COMMD10: variants seen among roughly 807,000 people sequenced by gnomAD.
The protein encoded by COMMD10 is COMM domain containing 10.
A neutral mutation model predicts 28.9 loss-of-function variants in COMMD10; 33 were observed. The observed-to-expected ratio is 1.14, with a 90% confidence interval of 0.87 to 1.53. The LOEUF (loss-of-function observed/expected upper bound fraction) is 1.53, where lower values mean the gene tolerates loss of function less well. COMMD10 is among the 40% of genes most tolerant of loss of function. The probability of loss-of-function intolerance (pLI) is 0.00; values close to 1 mark genes in which losing one functional copy is unlikely to be tolerated. For synonymous variants in COMMD10, 110 were observed against 81.7 expected (o/e 1.35, Z -1.87); for missense variants, 310 against 233.4 (o/e 1.33, Z -2.14).
chr5:116,160,571 G>C (rs1053213726), intron 5 of COMMD10, among the ~76,000 whole-genome samples: 5 of 151,688 alleles, frequency 3.3e-5, no homozygotes, highest in African/African-American at 4.9e-5. Context: ...GATTGCATCA[G>C]ATCTAAAGAT....
rs185671682 is a variant in COMMD10, at chr5:116,125,476, C to G, written c.400-8592C>G. On this transcript the variant is annotated intron_variant, in intron 4 of 6. Coordinates refer to ENST00000274458, the MANE Select transcript of COMMD10 (RefSeq NM_016144.4). The stretch of plus-strand genomic sequence containing the variant: ...AACCCGACCTTTGTCTCTGGCTGCC[C>G]TTAACATTTTTTCCTTTGTTTCAAC... Among the ~76,000 whole-genome samples, 762 of 152,196 alleles carry G rather than the reference C, an allele frequency of 5.0e-3. 6 individuals carry two copies. The highest frequency in any genetic ancestry group is 0.018 in the African/African-American group (733 of 41,540).
intron 5 of COMMD10, chr5:116,218,071 G>C: frequency 8.1e-7 from 1 of 1,229,120 alleles, no homozygotes; most frequent in Non-Finnish European, 1.2e-6. Flanking sequence ...GATCTGTTTT[G>C]ACATCTCCAT....
intron 5 of COMMD10, among the ~76,000 whole-genome samples, chr5:116,142,248 A>G (rs934002450): frequency 2.0e-5 from 3 of 151,812 alleles, no homozygotes; most frequent in Non-Finnish European, 4.4e-5. Context: ...ATATATTCTA[A>G]ATGACTGCAT....
chr5:116,091,327 T>A (rs968750094), intron 3 of COMMD10, 138 bp downstream of exon 3: 6 of 473,030 alleles, frequency 1.3e-5, no homozygotes, highest in Non-Finnish European at 2.3e-5. Flanking sequence ...AGTTAAGAAT[T>A]TCAGTGTAAA....
intron 5 of COMMD10, among the ~76,000 whole-genome samples, chr5:116,229,362 G>C (rs1212285428): frequency 6.6e-6 from 1 of 151,926 alleles, no homozygotes; most frequent in Non-Finnish European, 1.5e-5. Context: ...ATCCTAGCAG[G>C]ATCAACATTG....
In COMMD10 at chr5:116,112,558, G is replaced by T. The variant is rs539491104; in HGVS notation, c.399+19858G>T. On this transcript the variant is annotated intron_variant, in intron 4 of 6. Transcript: ENST00000274458. Reference sequence around the variant, plus strand: ...ACTGTATATAGGTGCGCGCCACCATGCACAGCTAATTTTTGTACTTTAAGT... The same window carrying T: ...ACTGTATATAGGTGCGCGCCACCATTCACAGCTAATTTTTGTACTTTAAGT... Among the ~76,000 whole-genome samples, 14 of 152,156 alleles carry T rather than the reference G, an allele frequency of 9.2e-5. No individual in the cohort carries two copies. The East Asian group carries it at 1.5e-3, about 17-fold the overall frequency.
chr5:116,099,649 C>T (rs1372791773), intron 4 of COMMD10, among the ~76,000 whole-genome samples: 3 of 152,068 alleles, frequency 2.0e-5, no homozygotes, highest in Non-Finnish European at 2.9e-5. Context: ...AACGATGTAA[C>T]GTCATGTTGT....
rs571232613 is a variant in COMMD10, at chr5:116,274,064, AC to A, written c.511-17451del. Among the ~76,000 whole-genome samples the A allele has an allele frequency of 4.2e-3, 639 of 151,830 alleles. 4 individuals are homozygous for A. The highest frequency in any genetic ancestry group is 5.6e-3 in the Non-Finnish European group (383 of 67,992). On this transcript the variant is annotated intron_variant, in intron 5 of 6. Coordinates refer to ENST00000274458, the MANE Select transcript of COMMD10 (RefSeq NM_016144.4). ...TGATCTAACAGCCTCTGCAACTGTC[AC>A]CAACCTTTCCTATAAAACAGCAATA...
intron 5 of COMMD10, among the ~76,000 whole-genome samples, chr5:116,178,825 G>A (rs969141751): frequency 6.6e-6 from 1 of 152,084 alleles, no homozygotes; most frequent in African/African-American, 2.4e-5. Flanking sequence ...TGTAGTTGAT[G>A]CAGATGGCCA....
At chr5:116,132,153 A>G (rs1751882203) in intron 4 of COMMD10, among the ~76,000 whole-genome samples, 1 of 152,086 alleles carries the variant, frequency 6.6e-6, no homozygotes, top group Non-Finnish European at 1.5e-5. Flanking sequence ...GAAATGAGTC[A>G]TGAATTTTGG....
intron 4 of COMMD10, among the ~76,000 whole-genome samples, chr5:116,111,594 T>C (rs886538683): frequency 6.6e-6 from 1 of 152,190 alleles, no homozygotes; most frequent in East Asian, 1.9e-4. Context: ...TTTCTTGATA[T>C]TGATTTCTTG....
intron 2 of COMMD10, among the ~76,000 whole-genome samples, chr5:116,090,445 C>T (rs566035331): frequency 2.6e-5 from 4 of 152,154 alleles, no homozygotes; most frequent in Non-Finnish European, 4.4e-5. Context: ...TAGAAATAAA[C>T]ATTTGTGGCC....
intron 5 of COMMD10, among the ~76,000 whole-genome samples, chr5:116,169,813 A>G (rs1381726308): frequency 1.9e-4 from 29 of 152,198 alleles, no homozygotes; most frequent in Admixed American, 1.9e-3. Context: ...AACACTCAAT[A>G]AACTAGGTAC....
At chr5:116,213,432 C>G (rs927800207) in intron 5 of COMMD10, among the ~76,000 whole-genome samples, 20 of 152,064 alleles carry the variant, frequency 1.3e-4, no homozygotes, top group African/African-American at 4.6e-4. Context: ...AAAATAATCA[C>G]TGAATATTAA....
intron 1 of COMMD10, 114 bp downstream of exon 1, chr5:116,085,207 TG>T: frequency 7.4e-6 from 1 of 134,352 alleles, no homozygotes; most frequent in South Asian, 4.9e-5. Flanking sequence ...CCCGGTTGAG[TG>T]GGGTGGGGTG....
chr5:116,245,908 C>T (rs1045837177), intron 5 of COMMD10, among the ~76,000 whole-genome samples: 29 of 152,032 alleles, frequency 1.9e-4, no homozygotes, highest in Non-Finnish European at 2.9e-4. Context: ...GGAAGCATTC[C>T]CCTTAAAAAT....
chr5:116,263,510 T>A (rs1328662680), intron 5 of COMMD10, among the ~76,000 whole-genome samples: 1 of 151,730 alleles, frequency 6.6e-6, no homozygotes, highest in African/African-American at 2.4e-5. Context: ...TTCCTTTCTT[T>A]CCAGATCCAG....
At chr5:116,127,253 G>C (rs562450165) in intron 4 of COMMD10, among the ~76,000 whole-genome samples, 1 of 152,118 alleles carries the variant, frequency 6.6e-6, no homozygotes, top group Non-Finnish European at 1.5e-5. Flanking sequence ...TTAGAATGGC[G>C]ATCATTAAAA....
At chr5:116,182,257 T>C (rs927754028) in intron 5 of COMMD10, among the ~76,000 whole-genome samples, 11 of 152,014 alleles carry the variant, frequency 7.2e-5, no homozygotes, top group Non-Finnish European at 1.6e-4. Flanking sequence ...CTGATAGTAG[T>C]TTAGCTCTAG....
Sources: gnomAD v4.1 joint callset for allele counts (sites outside exome capture counted in the v4.1 genomes callset) on GRCh38, gnomAD v4.1.1 for gene constraint, MANE v1.5 for transcripts, NCBI Gene and HGNC (gene_info 2026-07-23, HGNC 2026-07-21) for gene names.